ABR: variants seen among roughly 807,000 people sequenced by gnomAD.
ABR encodes the protein active breakpoint cluster region-related protein.
Under a neutral mutation model 107.2 loss-of-function variants are expected in ABR, and 35 were observed. The ratio of observed to expected loss-of-function variants is 0.33; its 90% confidence interval spans 0.25 to 0.43. ABR has a LOEUF of 0.43. ABR is among the 20% of genes least tolerant of loss of function. The pLI is 1.00. For missense variants in ABR, 815 were observed against 1,115.2 expected (o/e 0.73, Z 3.83); for synonymous variants, 498 against 462.0 (o/e 1.08, Z -1.00).
At chr17:1,217,807 G>A (rs979313331) in intron 1 of ABR, among the ~76,000 whole-genome samples, 1 of 152,196 alleles carries the variant, frequency 6.6e-6, no homozygotes, top group African/African-American at 2.4e-5. Context: ...CGATTCTCCT[G>A]CCTCAGCCTC....
In ABR at chr17:1,010,073, AACAGGAC is replaced by A. The variant is rs2070401272; in HGVS notation, c.2237-296_2237-290del. ...GGTGCTGGGGCATCCCCTGTCTCGTAACAGGACACCCCCTGGTCTGTGTGGCTAAGGT... is the reference window on the plus strand; with the variant it reads ...GGTGCTGGGGCATCCCCTGTCTCGTAACCCCCTGGTCTGTGTGGCTAAGGT... On this transcript the variant is annotated intron_variant, in intron 20 of 22. Coordinates refer to ENST00000302538, the MANE Select transcript of ABR (RefSeq NM_021962.5). This position sits in a 1 kb window ranked among gnomAD's most constrained non-coding sequence, Gnocchi z 4.1. 1 of 528,434 alleles carries A rather than the reference AACAGGAC, an allele frequency of 1.9e-6. No homozygotes were observed. The highest frequency in any genetic ancestry group is 1.9e-5 in the African/African-American group (1 of 52,788). 32.7% of individuals were successfully genotyped at this position (528,434 alleles called of 1,614,324 possible).
chr17:1,012,636 G>A (rs2070717694), intron 18 of ABR, 52 bp downstream of exon 18: 4 of 1,400,756 alleles, frequency 2.9e-6, no homozygotes, highest in Non-Finnish European at 4.0e-6. Flanking sequence ...CCCGGGCTGG[G>A]GGGGACCCGG....
intron 16 of ABR, among the ~76,000 whole-genome samples, chr17:1,013,697 C>CA (rs2070862509): frequency 6.6e-6 from 1 of 152,212 alleles, no homozygotes; most frequent in Admixed American, 6.5e-5. Context: ...CACTAAGCCT[C>CA]AGTTATTCCA....
At position 1,092,869 on chromosome 17, in the gene ABR, C is replaced by T. The variant is rs1396016780; in HGVS notation, c.346-1019G>A. The stretch of plus-strand genomic sequence containing the variant: ...TTTTGGAGACGGAGTCTCGCTCTGT[C>T]GCCCAGGCTGGAGTGCAGTGGTGCG... On this transcript the variant is annotated intron_variant, in intron 3 of 22. Transcript: ENST00000302538. The surrounding 1 kb of genome is among the most constrained non-coding windows in gnomAD (Gnocchi z 4.6). 2.0e-5 allele frequency among the ~76,000 whole-genome samples: 3 copies of T among 150,166 alleles called. No homozygotes were observed. The highest frequency in any genetic ancestry group is 3.0e-5 in the Non-Finnish European group (2 of 67,406).
intron 9 of ABR, 42 bp downstream of exon 9, chr17:1,069,927 G>T: frequency 1.4e-6 from 2 of 1,414,242 alleles, no homozygotes; most frequent in South Asian, 1.2e-5. Flanking sequence ...CAGAGGTCCG[G>T]ACCCCCTCCC....
chr17:1,007,378 T>A, intron 21 of ABR, 66 bp from the exon 22 acceptor site: 1 of 1,592,152 alleles, frequency 6.3e-7, no homozygotes, highest in South Asian at 1.1e-5. Flanking sequence ...TCCAGGACCC[T>A]TGGCCTTCGC....
Position 1,082,555 on chromosome 17 carries a change from C to T in ABR, c.639+965G>A, listed in dbSNP as rs953653207. 1.9e-4 allele frequency among the ~76,000 whole-genome samples: 29 copies of T among 151,946 alleles called. 2 individuals carry two copies. The highest frequency in any genetic ancestry group is 1.8e-3 in the Admixed American group (28 of 15,244). On this transcript the variant is annotated intron_variant, in intron 5 of 22. Transcript: ENST00000302538. ...GCTGGGCCTCAGGAGCAGAAGCACGCGTGTTCCCGGCCAGGGATTCTAAGG... is the reference window on the plus strand; with the variant it reads ...GCTGGGCCTCAGGAGCAGAAGCACGTGTGTTCCCGGCCAGGGATTCTAAGG...
rs2035919899 is a variant in ABR at position 1,078,450 on chromosome 17, C to G, written c.700+880G>C. On this transcript the variant is annotated intron_variant, in intron 6 of 22. Transcript: ENST00000302538. The surrounding 1 kb of genome is among the most constrained non-coding windows in gnomAD (Gnocchi z 7.5). ...ACCCATCGCCACGCTGTGCCTGGCC[C>G]CCGCAGACCCTCTCCCTGGCCTCAG... Among the ~76,000 whole-genome samples the G allele has an allele frequency of 1.3e-5, 2 of 152,146 alleles. No homozygotes were observed. The highest frequency in any genetic ancestry group is 4.8e-5 in the African/African-American group (2 of 41,448).
intron 2 of ABR, among the ~76,000 whole-genome samples, chr17:1,115,032 A>G (rs2038919350): frequency 6.6e-6 from 1 of 152,158 alleles, no homozygotes; most frequent in African/African-American, 2.4e-5. Context: ...GAGGCCACAG[A>G]GGTAGGCAGG....
chr17:1,032,286 A>G (rs1401300170), intron 16 of ABR, among the ~76,000 whole-genome samples: 2 of 152,108 alleles, frequency 1.3e-5, no homozygotes, highest in Non-Finnish European at 2.9e-5. Context: ...CACCTTCCTC[A>G]GAGCCAGCTT....
rs768009455 is a variant in ABR at position 1,125,210 on chromosome 17, C to T, written c.219G>A (p.Pro73=). The T allele has an allele frequency of 5.0e-6, 8 of 1,601,524 alleles. No homozygotes were observed. The highest frequency in any genetic ancestry group is 2.2e-5 in the South Asian group (2 of 89,870). ...CAGGAGCCAGTCCCTCAGGTGGAGT[C>T]GGGGAGACGCCATCCCCCCCGCCCT... The part of the protein sequence containing the change: ...RSQGGGDGVS[P]TPPEGLAPGV... The change falls in exon 2 of 23, where the codon CCG becomes CCA. Residue 73 remains proline, a synonymous_variant. Coordinates refer to ENST00000302538, the MANE Select transcript of ABR (RefSeq NM_021962.5).
chr17:1,188,679 G>A (rs187675835), upstream of ABR, among the ~76,000 whole-genome samples: 16 of 152,342 alleles, frequency 1.1e-4, no homozygotes, highest in Middle Eastern at 0.01. Flanking sequence ...CAAGAGCGTT[G>A]AGAACTCTAC....
At chr17:1,098,066 T>C (rs1266039037) in intron 3 of ABR, among the ~76,000 whole-genome samples, 3 of 149,588 alleles carry the variant, frequency 2.0e-5, no homozygotes, top group Non-Finnish European at 4.4e-5. Flanking sequence ...AAGCCAGCAG[T>C]TTTCTTTTCT....
chr17:1,025,464 C>T (rs1160385926), intron 16 of ABR, among the ~76,000 whole-genome samples: 5 of 152,132 alleles, frequency 3.3e-5, no homozygotes, highest in East Asian at 1.9e-4. Flanking sequence ...TTGAACACCC[C>T]GCGGCTTCCC....
chr17:1,098,262 G>C (rs1368219583), intron 3 of ABR, among the ~76,000 whole-genome samples: 1 of 151,954 alleles, frequency 6.6e-6, no homozygotes, highest in African/African-American at 2.4e-5. Flanking sequence ...TTTTTTAGTA[G>C]AGACGGGGTT....
At chr17:1,087,760 G>A (rs904264370) in intron 4 of ABR, among the ~76,000 whole-genome samples, 1 of 152,148 alleles carries the variant, frequency 6.6e-6, no homozygotes, top group Non-Finnish European at 1.5e-5. Context: ...CCCACAAGAA[G>A]GAGAAAGCCT....
chr17:1,226,377 G>C (rs2043214043), intron 1 of ABR, among the ~76,000 whole-genome samples: 1 of 152,116 alleles, frequency 6.6e-6, no homozygotes, highest in Admixed American at 6.5e-5. Context: ...GTGTGCACAT[G>C]TATGTACATG....
chr17:1,159,552 G>A (rs62069453), intron 1 of ABR, among the ~76,000 whole-genome samples: 28 of 18,496 alleles, frequency 1.5e-3, no homozygotes, highest in East Asian at 5.3e-3. Flanking sequence ...GGGAGAAGTA[G>A]GAATGCGGTA....
At chr17:1,217,652 A>G (rs2150752575) in intron 1 of ABR, among the ~76,000 whole-genome samples, 1 of 152,288 alleles carries the variant, frequency 6.6e-6, no homozygotes, top group South Asian at 2.1e-4. Flanking sequence ...AGAGCCGTGA[A>G]TCGAACCCAG....
Sources: gnomAD v4.1 joint callset for allele counts (sites outside exome capture counted in the v4.1 genomes callset) on GRCh38, gnomAD v4.1.1 for gene constraint, Gnocchi (gnomAD v3.1) non-coding constraint, MANE v1.5 for transcripts, NCBI Gene and HGNC (gene_info 2026-07-23, HGNC 2026-07-21) for gene names.